SPAG16: variants seen among roughly 807,000 people sequenced by gnomAD.
SPAG16 encodes the protein sperm-associated antigen 16 protein.
A neutral mutation model predicts 80.4 loss-of-function variants in SPAG16; 86 were observed. That is an observed-to-expected ratio of 1.07 (90% CI 0.90 to 1.28). SPAG16 has a LOEUF of 1.28. Ranked by LOEUF, SPAG16 falls within the 50% of genes most tolerant of loss-of-function variation. The probability of loss-of-function intolerance (pLI) is 0.00; values close to 1 mark genes in which losing one functional copy is unlikely to be tolerated. For synonymous variants in SPAG16, 294 were observed against 265.9 expected (o/e 1.11, Z -1.03); for missense variants, 870 against 765.3 (o/e 1.14, Z -1.61).
chr2:213,333,440 C>G (rs564624763), intron 5 of SPAG16, among the ~76,000 whole-genome samples: 5 of 152,080 alleles, frequency 3.3e-5, no homozygotes, highest in Admixed American at 6.6e-5. Context: ...AAGCAACCTA[C>G]AAATTCAGTG....
intron 7 of SPAG16, among the ~76,000 whole-genome samples, chr2:213,357,529 T>G (rs192944095): frequency 1.4e-4 from 22 of 152,322 alleles, no homozygotes; most frequent in Admixed American, 7.8e-4. Flanking sequence ...TTTGTCTCTT[T>G]TGATATTTGT....
At chr2:213,612,969 G>A (rs562178726) in intron 10 of SPAG16, among the ~76,000 whole-genome samples, 12 of 152,062 alleles carry the variant, frequency 7.9e-5, no homozygotes, top group Non-Finnish European at 1.6e-4. Context: ...CACCGTGCCC[G>A]GCCCGAATAA....
At chr2:213,972,284 T>C (rs1410651324) in intron 12 of SPAG16, among the ~76,000 whole-genome samples, 2 of 150,408 alleles carry the variant, frequency 1.3e-5, no homozygotes, top group Non-Finnish European at 3.0e-5. Context: ...AAATTATACA[T>C]ATAAATATAT....
At chr2:213,427,584 A>C (rs924861057) in intron 9 of SPAG16, among the ~76,000 whole-genome samples, 1 of 152,206 alleles carries the variant, frequency 6.6e-6, no homozygotes, top group African/African-American at 2.4e-5. Context: ...TCGAGTTTAC[A>C]TGCAGGGTAA....
chr2:214,353,637 A>T (rs1294030906), intron 15 of SPAG16, among the ~76,000 whole-genome samples: 1 of 152,162 alleles, frequency 6.6e-6, no homozygotes, highest in Non-Finnish European at 1.5e-5. Context: ...TGTGGTGTTT[A>T]ATCACCCAGG....
chr2:214,140,409 A>T (rs2055290261), intron 14 of SPAG16, among the ~76,000 whole-genome samples: 1 of 151,922 alleles, frequency 6.6e-6, no homozygotes, highest in African/African-American at 2.4e-5. Flanking sequence ...CATACTTCAC[A>T]TATATTTGAT....
intron 15 of SPAG16, among the ~76,000 whole-genome samples, chr2:214,232,266 TATCTC>T (rs1369277420): frequency 1.3e-5 from 2 of 152,052 alleles, no homozygotes; most frequent in Non-Finnish European, 2.9e-5. Context: ...AAGCTAGAAA[TATCTC>T]AGAGAGTATA....
chr2:213,284,713 C>G, intron 1 of SPAG16, 94 bp downstream of exon 1: 3 of 1,459,928 alleles, frequency 2.1e-6, no homozygotes, highest in Non-Finnish European at 2.7e-6. Context: ...CCTTTTGAGC[C>G]TTGGGGCCAC....
At position 213,638,529 on chromosome 2, in the gene SPAG16, A is replaced by G. The variant is rs113518524; in HGVS notation, c.1070+148439A>G. ...AAGACCATTCAGGAGCAGATTATTT[A>G]ATTTTTATGTATTTTCATGATTTTG... is the stretch of plus-strand genomic sequence containing the variant. On this transcript the variant is annotated intron_variant, in intron 10 of 15. Transcript: ENST00000331683. 1.5e-3 allele frequency among the ~76,000 whole-genome samples: 226 copies of G among 152,166 alleles called. 1 individual carries two copies. Among genetic ancestry groups the G allele is most frequent in the African/African-American group, 4.4e-3 (182 of 41,534 alleles).
chr2:213,808,364 G>A (rs532535812), intron 10 of SPAG16, among the ~76,000 whole-genome samples: 2 of 152,256 alleles, frequency 1.3e-5, no homozygotes, highest in Non-Finnish European at 2.9e-5. Flanking sequence ...ACAAGCAAAC[G>A]AGAACATTTA....
At chr2:213,544,768 A>G (rs1290769688) in intron 10 of SPAG16, among the ~76,000 whole-genome samples, 1 of 152,078 alleles carries the variant, frequency 6.6e-6, no homozygotes, top group Non-Finnish European at 1.5e-5. Context: ...AGCTGGAATC[A>G]TATAGTTTGT....
intron 3 of SPAG16, among the ~76,000 whole-genome samples, chr2:213,307,650 A>G (rs941355218): frequency 6.6e-6 from 1 of 151,812 alleles, no homozygotes; most frequent in Admixed American, 6.6e-5. Context: ...ATTGTGAATA[A>G]TGCAGCAATA....
intron 10 of SPAG16, among the ~76,000 whole-genome samples, chr2:213,629,252 T>A (rs1336717080): frequency 6.6e-6 from 1 of 152,182 alleles, no homozygotes; most frequent in Non-Finnish European, 1.5e-5. Context: ...AATAAAGTGG[T>A]CAGAATGACA....
At chr2:213,427,678 A>G (rs774104548) in intron 9 of SPAG16, among the ~76,000 whole-genome samples, 2 of 152,202 alleles carry the variant, frequency 1.3e-5, no homozygotes, top group Non-Finnish European at 2.9e-5. Flanking sequence ...CTTTATCTAC[A>G]TATTCTCATC....
chr2:214,128,889 C>G (rs952922922), intron 14 of SPAG16, among the ~76,000 whole-genome samples: 1 of 151,788 alleles, frequency 6.6e-6, no homozygotes, highest in Non-Finnish European at 1.5e-5. Context: ...AGTGCTCAAA[C>G]TAGGGCTAAT....
At chr2:214,377,493 G>T (rs1170394076) in intron 15 of SPAG16, among the ~76,000 whole-genome samples, 1 of 152,054 alleles carries the variant, frequency 6.6e-6, no homozygotes, top group Non-Finnish European at 1.5e-5. Context: ...GTACAGTGAA[G>T]GTATTTTCTC....
At chr2:214,397,410 G>C (rs1423411108) in intron 15 of SPAG16, among the ~76,000 whole-genome samples, 1 of 152,020 alleles carries the variant, frequency 6.6e-6, no homozygotes, top group East Asian at 1.9e-4. Flanking sequence ...TGCCCGCCTC[G>C]GCCTCCCAAA....
intron 10 of SPAG16, among the ~76,000 whole-genome samples, chr2:213,832,131 G>A (rs2073701544): frequency 6.6e-6 from 1 of 151,968 alleles, no homozygotes; most frequent in Admixed American, 6.6e-5. Context: ...GTGAGTAGCT[G>A]GGATTACAGG....
chr2:214,326,509 T>C (rs1696491719), intron 15 of SPAG16, among the ~76,000 whole-genome samples: 1 of 151,688 alleles, frequency 6.6e-6, no homozygotes, highest in East Asian at 1.9e-4. Context: ...CCAATATTCA[T>C]GGAATGACTG....
Sources: gnomAD v4.1 joint callset for allele counts (sites outside exome capture counted in the v4.1 genomes callset) on GRCh38, gnomAD v4.1.1 for gene constraint, MANE v1.5 for transcripts, NCBI Gene and HGNC (gene_info 2026-07-23, HGNC 2026-07-21) for gene names.